Variants in TJP2 observed in about 807,000 individuals in gnomAD.
TJP2 encodes Friedreich ataxia region gene X104 (tight junction protein ZO-2).
A neutral mutation model predicts 133.1 loss-of-function variants in TJP2; 91 were observed. The ratio of observed to expected loss-of-function variants is 0.68; its 90% CI spans 0.58 to 0.81. The LOEUF is 0.81. Ranked by LOEUF, TJP2 falls within the 40% of genes least tolerant of loss-of-function variation. TJP2 has a pLI of 0.00. For missense variants in TJP2, 1,541 were observed against 1,565.6 expected, an observed-to-expected ratio of 0.98 and a Z score of 0.26; for synonymous variants, 592 against 583.4, an observed-to-expected ratio of 1.01 and a Z score of -0.21.
intron 1 of TJP2, among the ~76,000 whole-genome samples, chr9:69,193,347 G>A (rs150500768): frequency 1.3e-5 from 2 of 152,046 alleles, no homozygotes; most frequent in East Asian, 3.9e-4. Flanking sequence ...TAATACATCT[G>A]TTACCAGGCA....
At chr9:69,236,297 A>C in intron 13 of TJP2, 59 bp downstream of exon 13, 1 of 1,560,578 alleles carries the variant, frequency 6.4e-7, no homozygotes, top group Non-Finnish European at 8.8e-7. Flanking sequence ...AGAAAACTAG[A>C]GACCGCCCCC....
At chr9:69,185,379 C>T (rs139382526) in intron 1 of TJP2, among the ~76,000 whole-genome samples, 28 of 152,244 alleles carry the variant, frequency 1.8e-4, no homozygotes, top group East Asian at 7.7e-4. Flanking sequence ...ATTTCTGTAA[C>T]GGATGTTCAT....
At chr9:69,199,847 C>A (rs1449364573) in intron 1 of TJP2, among the ~76,000 whole-genome samples, 4 of 152,178 alleles carry the variant, frequency 2.6e-5, no homozygotes, top group African/African-American at 9.7e-5. Flanking sequence ...CGGATCCCAT[C>A]TCTGACAGTG....
At position 69,251,068 on chromosome 9, in the gene TJP2, T is replaced by C; in HGVS notation, c.3025T>C (p.Phe1009Leu). The C allele has an allele frequency of 6.2e-7, 1 of 1,614,196 alleles. No homozygotes were observed. Among genetic ancestry groups the C allele is most frequent in the African/African-American group, 1.3e-5 (1 of 75,046 alleles). ...KTQNKEESYD[F>L]SKSYEYKSNP... The stretch of plus-strand genomic sequence containing the variant: ...CCAGAACAAAGAAGAATCCTATGAC[T>C]TCTCCAAATCCTATGAATATAAGTC... The change falls in exon 21 of 23, where the codon TTC (phenylalanine) becomes CTC (leucine). Residue 1009 changes from phenylalanine to leucine, a missense_variant. By Grantham distance (22) the Phe-to-Leu change is conservative (BLOSUM62 0). Transcript: ENST00000377245.
At chr9:69,173,838 A>G (rs1824832705), upstream of TJP2, among the ~76,000 whole-genome samples, 2 of 152,220 alleles carry the variant, frequency 1.3e-5, no homozygotes, top group Admixed American at 6.5e-5. Context: ...CAGTCGGGCC[A>G]GCAGCGCCCG....
chr9:69,177,718 C>T (rs1183663336), intron 1 of TJP2, among the ~76,000 whole-genome samples: 3 of 151,714 alleles, frequency 2.0e-5, no homozygotes, highest in African/African-American at 2.4e-5. Flanking sequence ...GGTCTTGGCT[C>T]ACTGCAACCT....
At chr9:69,237,624 C>T (rs535318684) in intron 14 of TJP2, among the ~76,000 whole-genome samples, 13 of 86,676 alleles carry the variant, frequency 1.5e-4, no homozygotes, top group Admixed American at 6.1e-4. Context: ...TGAGTTTAGT[C>T]TGGGCAACAT....
At chr9:69,170,965 C>T (rs1463190678), upstream of TJP2, among the ~76,000 whole-genome samples, 1 of 140,606 alleles carries the variant, frequency 7.1e-6, no homozygotes, top group Non-Finnish European at 1.6e-5. Flanking sequence ...TCTCTCTCCT[C>T]AAATACTCAT....
chr9:69,180,105 C>T (rs1587984259), intron 1 of TJP2, among the ~76,000 whole-genome samples: 1 of 152,088 alleles, frequency 6.6e-6, no homozygotes, highest in South Asian at 2.1e-4. Context: ...ATTATAGATA[C>T]CCTATATAAC....
chr9:69,121,425 C>T (rs903786032), upstream of TJP2: 6 of 845,320 alleles, frequency 7.1e-6, no homozygotes, highest in African/African-American at 1.1e-4. Context: ...TCGCCACCGC[C>T]CAACTCCCCC....
chr9:69,250,048 C>T (rs912080875), intron 20 of TJP2, among the ~76,000 whole-genome samples: 2 of 152,194 alleles, frequency 1.3e-5, no homozygotes, highest in African/African-American at 2.4e-5. Flanking sequence ...AGAGCTGTGA[C>T]TCTATGTTTT....
chr9:69,138,210 G>A (rs1359959017), intron 1 of TJP2, among the ~76,000 whole-genome samples: 1 of 152,128 alleles, frequency 6.6e-6, no homozygotes, highest in Non-Finnish European at 1.5e-5. Context: ...CCATGTCTTT[G>A]TTTGCTCATA....
chr9:69,145,961 G>A, intron 1 of TJP2: 1 of 421,998 alleles, frequency 2.4e-6, no homozygotes, highest in Non-Finnish European at 4.0e-6. Flanking sequence ...CTTCTTGGTG[G>A]AGAATGGAAC....
At position 69,221,375 on chromosome 9, in the gene TJP2, C is replaced by T; in HGVS notation, c.831C>T (p.Ala277=). Residue 277 remains alanine, a synonymous_variant, in exon 5 of 23, where the codon GCC becomes GCT. Coordinates refer to ENST00000377245, the MANE Select transcript of TJP2 (RefSeq NM_004817.4). Reference sequence around the variant, plus strand: ...ACAGGCGCGGGGCCCGCCACGATGCCCGCTCTCGGGGACCCCGAAGCCGCA... The same window carrying T: ...ACAGGCGCGGGGCCCGCCACGATGCTCGCTCTCGGGGACCCCGAAGCCGCA... The part of the protein sequence containing the change: ...PEYRRGARHD[A]RSRGPRSRSR... 6.3e-7 allele frequency: 1 copy of T among 1,583,908 alleles called. No homozygotes were observed. Among genetic ancestry groups the T allele is most frequent in the Non-Finnish European group, 8.6e-7 (1 of 1,165,848 alleles).
At chr9:69,121,469 C>G, upstream of TJP2, 2 of 499,288 alleles carry the variant, frequency 4.0e-6, no homozygotes, top group Non-Finnish European at 2.6e-6. Flanking sequence ...CCCCTTCTCT[C>G]AAACCTCTAA....
chr9:69,179,601 C>T lies in TJP2; in HGVS notation c.60+5169C>T, dbSNP rs533842795. On this transcript the variant is annotated intron_variant, in intron 1 of 22. Coordinates refer to ENST00000377245, the MANE Select transcript of TJP2 (RefSeq NM_004817.4). ...TCGGCTCACTGCAAGCTCCACCTCC[C>T]GGGTTCACGCCATTCAGCCTCCCCA... is the stretch of plus-strand genomic sequence containing the variant. 1.8e-3 allele frequency among the ~76,000 whole-genome samples: 273 copies of T among 151,818 alleles called. 2 individuals are homozygous for T. Among genetic ancestry groups the T allele is most frequent in the Non-Finnish European group, 3.2e-3 (214 of 67,928 alleles).
chr9:69,174,503 T>C, intron 1 of TJP2, 71 bp downstream of exon 1: 1 of 1,448,640 alleles, frequency 6.9e-7, no homozygotes, highest in East Asian at 2.5e-5. Flanking sequence ...CTGGGGGCTC[T>C]GCTCGCGTGC....
chr9:69,221,103 C>G lies in TJP2; in HGVS notation c.559C>G (p.Arg187Gly), dbSNP rs201191711. The change falls in exon 5 of 23, where the codon CGG becomes GGG. Residue 187 changes from arginine to glycine, a missense_variant. Transcript: ENST00000377245. ...RGRPHERARS[R>G]ERDLSRDRSR... The stretch of plus-strand genomic sequence containing the variant: ...GCGTCCCCATGAGCGGGCCCGGAGC[C>G]GGGAGCGGGACCTCAGCCGGGACCG... 6 of 1,583,378 alleles carry G rather than the reference C, an allele frequency of 3.8e-6. No homozygotes were observed. The East Asian group carries it at 9.3e-5, about 24-fold the overall frequency.
At chr9:69,163,594 T>A (rs1824200585) in intron 2 of TJP2, among the ~76,000 whole-genome samples, 1 of 150,796 alleles carries the variant, frequency 6.6e-6, no homozygotes, top group Non-Finnish European at 1.5e-5. Flanking sequence ...TGAGATTGTA[T>A]CAGTGCACTC....
Sources: allele counts gnomAD v4.1 joint callset (sites outside exome capture counted in the v4.1 genomes callset), GRCh38; gene constraint gnomAD v4.1.1; transcripts MANE v1.5; gene names NCBI Gene and HGNC (gene_info 2026-07-23, HGNC 2026-07-21).